The following CLVS1 variants were observed in gnomAD, a reference collection of about 807,000 sequenced individuals.
CLVS1 encodes clavesin 1.
A neutral mutation model predicts 33.1 loss-of-function variants in CLVS1; 10 were observed. That is an observed-to-expected ratio of 0.30 (90% confidence interval 0.19 to 0.51). CLVS1 has a LOEUF of 0.51. Among genes scored for constraint, CLVS1 ranks in the 20% least tolerant of loss-of-function variants. The pLI, the probability that CLVS1 is intolerant of heterozygous loss-of-function variation, is 0.97. For synonymous variants in CLVS1, 163 were observed against 166.1 expected (o/e 0.98, Z 0.14); for missense variants, 343 against 433.4 (o/e 0.79, Z 1.85).
the CLVS1 span, among the ~76,000 whole-genome samples, chr8:60,981,603 T>C: frequency 2.6e-5 from 4 of 152,206 alleles, no homozygotes; most frequent in Non-Finnish European, 5.9e-5. Flanking sequence ...AATGTCATTG[T>C]GCAAATATCT....
rs564049873 is a variant in CLVS1, at chr8:61,321,781, CTT to C, written c.455+21500_455+21501del. On this transcript the variant is annotated intron_variant, in intron 2 of 5. Transcript: ENST00000325897. ...TTTATTTTATTTTCAAATATTTTCTCTTGTTTCTTATAAGAAATCTACTTTAG... is the reference window on the plus strand; with the variant it reads ...TTTATTTTATTTTCAAATATTTTCTCGTTTCTTATAAGAAATCTACTTTAG... Among the ~76,000 whole-genome samples, 9 of 152,148 alleles carry C rather than the reference CTT, an allele frequency of 5.9e-5. No homozygotes were observed. The East Asian group carries it at 1.5e-3, about 26-fold the overall frequency.
At chr8:61,319,213 C>A (rs985015558) in intron 2 of CLVS1, among the ~76,000 whole-genome samples, 1 of 152,118 alleles carries the variant, frequency 6.6e-6, no homozygotes, top group Admixed American at 6.6e-5. Flanking sequence ...TACAGAGTCT[C>A]TAAGTGAGTC....
chr8:61,463,959 G>A (rs1293943908), intron 5 of CLVS1, among the ~76,000 whole-genome samples: 1 of 151,764 alleles, frequency 6.6e-6, no homozygotes, highest in Non-Finnish European at 1.5e-5. Flanking sequence ...TATAGTCCTA[G>A]CTACTCAGGA....
At chr8:61,415,035 C>G (rs1249802477) in intron 3 of CLVS1, among the ~76,000 whole-genome samples, 1 of 152,230 alleles carries the variant, frequency 6.6e-6, no homozygotes, top group Non-Finnish European at 1.5e-5. Context: ...CCGAGGTTTC[C>G]CAGTCCAAAA....
chr8:61,233,844 G>A (rs1808497622), intron 2 of CLVS1, among the ~76,000 whole-genome samples: 1 of 152,242 alleles, frequency 6.6e-6, no homozygotes, highest in African/African-American at 2.4e-5. Flanking sequence ...CAGCACGTGG[G>A]CTGCATGAGG....
chr8:61,085,509 G>A (rs1805100629), intron 1 of CLVS1, among the ~76,000 whole-genome samples: 1 of 151,986 alleles, frequency 6.6e-6, no homozygotes, highest in African/African-American at 2.4e-5. Flanking sequence ...CTAGATATAA[G>A]GAGAAAAAAA....
chr8:61,322,041 C>G (rs955401607), intron 2 of CLVS1, among the ~76,000 whole-genome samples: 1 of 151,952 alleles, frequency 6.6e-6, no homozygotes, highest in Non-Finnish European at 1.5e-5. Flanking sequence ...TCACCTGTAC[C>G]CTAGCTCCAC....
chr8:61,039,993 C>A, the CLVS1 span, among the ~76,000 whole-genome samples: 2 of 152,214 alleles, frequency 1.3e-5, no homozygotes, highest in Non-Finnish European at 2.9e-5. Flanking sequence ...TTGACCCTCT[C>A]CGCCTCACTC....
At chr8:61,383,960 T>C (rs555234982) in intron 3 of CLVS1, among the ~76,000 whole-genome samples, 1 of 152,322 alleles carries the variant, frequency 6.6e-6, no homozygotes, top group Non-Finnish European at 1.5e-5. Flanking sequence ...ATGATTTCTT[T>C]AAAATATTTG....
At chr8:61,286,913 T>TTTGGCCTTAAACAGTTTTCAAA (rs1809794012), upstream of CLVS1, among the ~76,000 whole-genome samples, 1 of 152,200 alleles carries the variant, frequency 6.6e-6, no homozygotes, top group Non-Finnish European at 1.5e-5. Context: ...GTATTTCTTT[T>TTTGGCCTTAAACAGTTTTCAAA]TTGGCCTTAA....
chr8:61,309,808 A>G (rs1375013456), intron 2 of CLVS1, among the ~76,000 whole-genome samples: 3 of 152,238 alleles, frequency 2.0e-5, no homozygotes, highest in African/African-American at 7.2e-5. Context: ...AGCATTAAGC[A>G]GGTTCCTTCT....
the CLVS1 span, among the ~76,000 whole-genome samples, chr8:60,992,028 G>A: frequency 1.3e-5 from 2 of 152,218 alleles, no homozygotes; most frequent in Admixed American, 1.3e-4. Flanking sequence ...GATTACAGGC[G>A]TGAGCCACCA....
chr8:61,050,246 C>T, the CLVS1 span, among the ~76,000 whole-genome samples: 1 of 152,144 alleles, frequency 6.6e-6, no homozygotes, highest in South Asian at 2.1e-4. Flanking sequence ...CCAAATTCTT[C>T]GATATGTGGA....
At chr8:61,324,089 T>A (rs1172125853) in intron 2 of CLVS1, among the ~76,000 whole-genome samples, 1 of 152,190 alleles carries the variant, frequency 6.6e-6, no homozygotes, top group African/African-American at 2.4e-5. Flanking sequence ...TTCTGAATAG[T>A]GCTGCAATGA....
intron 2 of CLVS1, among the ~76,000 whole-genome samples, chr8:61,307,876 T>A (rs1810687547): frequency 6.6e-6 from 1 of 152,216 alleles, no homozygotes; most frequent in Non-Finnish European, 1.5e-5. Context: ...ATGTCTATTA[T>A]TCCACATTCC....
rs114988875 is a variant in CLVS1 at position 61,385,648 on chromosome 8, T to A, written c.630+8869T>A. 9.8e-5 allele frequency among the ~76,000 whole-genome samples: 15 copies of A among 152,388 alleles called. No homozygotes were observed. In the East Asian group the frequency reaches 2.9e-3, roughly 29 times the overall value. ...CAGAGTTGAAGTTGAAACAATGTCA[T>A]GAAAACTATCACTTTTTTCTGTCCA... On this transcript the variant is annotated intron_variant, in intron 3 of 5. Transcript: ENST00000325897.
chr8:61,408,798 T>C (rs1366611671), intron 3 of CLVS1, among the ~76,000 whole-genome samples: 2 of 152,192 alleles, frequency 1.3e-5, no homozygotes, highest in Non-Finnish European at 1.5e-5. Flanking sequence ...CAGCTGTTGA[T>C]ATACTTGAGT....
rs10608173 is a variant in CLVS1, at chr8:61,338,964, C to CTGTGTG, written c.456-37617_456-37612dup. Among the ~76,000 whole-genome samples the CTGTGTG allele has an allele frequency of 4.5e-3, 668 of 148,612 alleles. 5 individuals are homozygous for CTGTGTG. The highest frequency in any genetic ancestry group is 0.015 in the African/African-American group (600 of 39,974). ...GTAGGCTTGGCCACCAAAGGGAACA[C>CTGTGTG]TGTGTGTGTGTGTGTGTGTGTGTGT... On this transcript the variant is annotated intron_variant, in intron 2 of 5. Coordinates refer to ENST00000325897, the MANE Select transcript of CLVS1 (RefSeq NM_173519.3).
chr8:61,454,117 T>G (rs375837420), intron 3 of CLVS1, 24 bp from the exon 4 acceptor site: 3 of 1,522,438 alleles, frequency 2.0e-6, no homozygotes, highest in South Asian at 1.1e-5. Flanking sequence ...CTAATCGGTG[T>G]GCATTTCTCT....
Sources: allele counts gnomAD v4.1 joint callset (sites outside exome capture counted in the v4.1 genomes callset), GRCh38; gene constraint gnomAD v4.1.1; transcripts MANE v1.5; gene names NCBI Gene and HGNC (gene_info 2026-07-23, HGNC 2026-07-21).